Variants in GALNT14 observed in about 807,000 individuals in gnomAD.
GALNT14 encodes the protein polypeptide N-acetylgalactosaminyltransferase 14.
A neutral mutation model predicts 77.5 loss-of-function variants in GALNT14; 60 were observed. The observed-to-expected ratio is 0.77, with a 90% CI of 0.63 to 0.96. The LOEUF (loss-of-function observed/expected upper bound fraction) is 0.96, where lower values mean the gene tolerates loss of function less well. Ranked by LOEUF, GALNT14 falls within the 40% of genes least tolerant of loss-of-function variation. The pLI is 0.00. For missense variants in GALNT14, 710 were observed against 731.0 expected, an observed-to-expected ratio of 0.97 and a Z score of 0.33; for synonymous variants, 280 against 281.7, an observed-to-expected ratio of 0.99 and a Z score of 0.06.
At position 30,955,478 on chromosome 2, in the gene GALNT14, A is replaced by G. The variant is rs2303326; in HGVS notation, c.654+140T>C. 1.0e-4 allele frequency: 117 copies of G among 1,158,226 alleles called. No homozygotes were observed. The East Asian group carries it at 2.7e-3, about 27-fold the overall frequency. 71.7% of individuals were successfully genotyped at this position (1,158,226 alleles called of 1,614,324 possible). ...CAGGCTGCTCTACCTTAGTTCCTTC[A>G]TCAATAAAATCGGGACTGCGATCTG... On this transcript the variant is annotated intron_variant, in intron 6 of 14. Coordinates refer to ENST00000349752, the MANE Select transcript of GALNT14 (RefSeq NM_024572.4).
chr2:31,042,478 G>A (rs1265404823), intron 1 of GALNT14, among the ~76,000 whole-genome samples: 1 of 152,154 alleles, frequency 6.6e-6, no homozygotes, highest in Non-Finnish European at 1.5e-5. Flanking sequence ...GGGGTCTGCA[G>A]TCACCCTGGG....
chr2:30,897,392 C>T, the GALNT14 span, among the ~76,000 whole-genome samples: 1 of 152,342 alleles, frequency 6.6e-6, no homozygotes, highest in East Asian at 1.9e-4. Flanking sequence ...CCAGGCTGGA[C>T]TCTGGCACAT....
At chr2:31,133,851 TG>T (rs11288390) in intron 1 of GALNT14, among the ~76,000 whole-genome samples, 44,735 of 152,034 alleles carry the variant, frequency 0.29, 6,622 homozygotes, top group African/African-American at 0.35. Flanking sequence ...GCTGGATAAT[TG>T]GGGGGGAGGC....
intron 9 of GALNT14, among the ~76,000 whole-genome samples, chr2:30,940,428 G>T (rs1053536567): frequency 6.6e-6 from 1 of 152,214 alleles, no homozygotes; most frequent in Non-Finnish European, 1.5e-5. Context: ...AGCCCTGACA[G>T]ACAGAAGATG....
At chr2:31,004,638 A>T (rs1330013896) in intron 1 of GALNT14, among the ~76,000 whole-genome samples, 2 of 152,172 alleles carry the variant, frequency 1.3e-5, no homozygotes, top group Non-Finnish European at 2.9e-5. Flanking sequence ...TGGCCCCACA[A>T]TGTGGCCAGA....
At chr2:30,909,251 C>G (rs1461088223), downstream of GALNT14, among the ~76,000 whole-genome samples, 4 of 149,468 alleles carry the variant, frequency 2.7e-5, no homozygotes, top group Non-Finnish European at 4.5e-5. Context: ...GCAAAAGAAA[C>G]TACCATCAGA....
the GALNT14 span, among the ~76,000 whole-genome samples, chr2:30,895,013 T>G: frequency 6.6e-6 from 1 of 152,246 alleles, no homozygotes; most frequent in African/African-American, 2.4e-5. Context: ...ATCAGCTTCA[T>G]GACCCCACAG....
intron 2 of GALNT14, among the ~76,000 whole-genome samples, chr2:30,975,083 C>A (rs1188884990): frequency 6.6e-6 from 1 of 152,170 alleles, no homozygotes; most frequent in Non-Finnish European, 1.5e-5. Context: ...AATCTGGAAG[C>A]TGAAGTATGG....
chr2:31,052,364 C>G (rs922364808), intron 1 of GALNT14, among the ~76,000 whole-genome samples: 1 of 152,192 alleles, frequency 6.6e-6, no homozygotes, highest in Non-Finnish European at 1.5e-5. Context: ...GGGTGGATGA[C>G]AGCAGAGAGG....
At chr2:30,904,407 G>A in the GALNT14 span, among the ~76,000 whole-genome samples, 2 of 152,260 alleles carry the variant, frequency 1.3e-5, no homozygotes, top group Admixed American at 1.3e-4. Context: ...GGAAGCGCAA[G>A]GGTTCAGGGA....
At chr2:30,898,269 GT>G in the GALNT14 span, among the ~76,000 whole-genome samples, 45 of 152,212 alleles carry the variant, frequency 3.0e-4, no homozygotes, top group African/African-American at 1.1e-3. Context: ...AGAAATAAAT[GT>G]TTCTTTGTTA....
chr2:31,096,303 G>A (rs1677001835), intron 1 of GALNT14, among the ~76,000 whole-genome samples: 1 of 152,172 alleles, frequency 6.6e-6, no homozygotes. Flanking sequence ...CTGAGAATTA[G>A]GATGTGCACA....
intron 9 of GALNT14, 52 bp from the exon 10 acceptor site, chr2:30,932,246 T>C (rs1665782032): frequency 2.9e-6 from 4 of 1,383,696 alleles, no homozygotes; most frequent in Non-Finnish European, 3.8e-6. Context: ...CTGCTGCAGC[T>C]TTGAGGCCCC....
At chr2:31,055,178 A>G (rs1056776672) in intron 1 of GALNT14, among the ~76,000 whole-genome samples, 2 of 152,248 alleles carry the variant, frequency 1.3e-5, no homozygotes, top group Non-Finnish European at 2.9e-5. Context: ...GTGTATCTGC[A>G]GGCTCGCTGC....
rs1363490802 is a variant in GALNT14, at chr2:31,038,065, C to CATATATAT, written c.130-45066_130-45059dup. Among the ~76,000 whole-genome samples, 214 of 68,128 alleles carry CATATATAT rather than the reference C, an allele frequency of 3.1e-3. 3 individuals are homozygous for CATATATAT. Among genetic ancestry groups the CATATATAT allele is most frequent in the African/African-American group, 3.7e-3 (49 of 13,126 alleles). The allele number at this position is 68,128 out of a possible 152,430, so 44.7% of individuals were successfully genotyped here. On this transcript the variant is annotated intron_variant, in intron 1 of 14. Coordinates refer to ENST00000349752, the MANE Select transcript of GALNT14 (RefSeq NM_024572.4). ...TTATTTTGGTTAGTCCCTTATTTGC[C>CATATATAT]ATATATATATATATATATATTTTTT...
At chr2:30,926,794 A>G (rs1279773626) in intron 11 of GALNT14, among the ~76,000 whole-genome samples, 1 of 152,050 alleles carries the variant, frequency 6.6e-6, no homozygotes. Flanking sequence ...GAAAGAGGAC[A>G]GTCCAGGGTG....
the GALNT14 span, among the ~76,000 whole-genome samples, chr2:30,889,136 C>A: frequency 6.6e-6 from 1 of 152,086 alleles, no homozygotes; most frequent in Admixed American, 6.6e-5. Flanking sequence ...AGGTTAGCCA[C>A]CCGGATTTAT....
At chr2:30,941,334 CTGCCCTCG>C (rs1447863246) in intron 9 of GALNT14, among the ~76,000 whole-genome samples, 1 of 152,230 alleles carries the variant, frequency 6.6e-6, no homozygotes, top group Non-Finnish European at 1.5e-5. Flanking sequence ...ACCCCAACCC[CTGCCCTCG>C]TGCAGCTTCT....
rs935722961 is a variant in GALNT14 at position 30,955,927 on chromosome 2, T to C, written c.517A>G (p.Asn173Asp). ...IKLPKVKCLR[N>D]NERQGLVRSR... is the part of the protein sequence containing the mutation. The stretch of plus-strand genomic sequence containing the variant: ...TCAGACCTACCTTGCCGTTCATTAT[T>C]GCGCAAGCATTTCACCTTGGGCAAC... The change falls in exon 5 of 15, where the codon AAT (asparagine) becomes GAT (aspartate). Residue 173 changes from asparagine to aspartate, a missense_variant. By Grantham distance (23) the Asn-to-Asp change is conservative. Coordinates refer to ENST00000349752, the MANE Select transcript of GALNT14 (RefSeq NM_024572.4). 18 of 1,614,022 alleles carry C rather than the reference T, an allele frequency of 1.1e-5. No homozygotes were observed. Among genetic ancestry groups the C allele is most frequent in the African/African-American group, 1.3e-5 (1 of 74,946 alleles).
Sources: allele counts gnomAD v4.1 joint callset (sites outside exome capture counted in the v4.1 genomes callset), GRCh38; gene constraint gnomAD v4.1.1; transcripts MANE v1.5; gene names NCBI Gene and HGNC (gene_info 2026-07-23, HGNC 2026-07-21).